The following SCARA5 variants were observed in gnomAD, a reference collection of about 807,000 sequenced individuals.
SCARA5 encodes scavenger receptor class A, member 5 (putative).
Under a neutral mutation model 46.3 loss-of-function variants are expected in SCARA5, and 45 were observed. That is an observed-to-expected ratio of 0.97 (90% CI 0.76 to 1.24). The LOEUF is 1.24. SCARA5 is among the 50% of genes most tolerant of loss of function. The pLI is 0.00. For synonymous variants in SCARA5, 333 were observed against 306.5 expected (o/e 1.09, Z -0.90); for missense variants, 680 against 689.0 (o/e 0.99, Z 0.15).
intron 7 of SCARA5, among the ~76,000 whole-genome samples, chr8:27,892,854 C>T (rs1264551892): frequency 4.6e-5 from 7 of 152,130 alleles, no homozygotes; most frequent in Admixed American, 4.6e-4. Flanking sequence ...GATCCGCCTG[C>T]CTGGGCCTCC....
chr8:27,912,686 C>T (rs1254961350), intron 4 of SCARA5, among the ~76,000 whole-genome samples: 3 of 152,250 alleles, frequency 2.0e-5, no homozygotes, highest in South Asian at 2.1e-4. Context: ...TCCACCACCC[C>T]GGGTGCTCCA....
At chr8:27,911,664 A>G (rs1370695437) in intron 4 of SCARA5, among the ~76,000 whole-genome samples, 2 of 151,410 alleles carry the variant, frequency 1.3e-5, no homozygotes, top group Non-Finnish European at 2.9e-5. Flanking sequence ...ACACTCCAAC[A>G]TGGGTGACAA....
chr8:27,948,918 C>T (rs2685418), intron 3 of SCARA5, among the ~76,000 whole-genome samples: 151,091 of 152,408 alleles, frequency 0.99, 74,901 homozygotes, highest in Middle Eastern at 1. Context: ...TATCGATGTG[C>T]ATAGTTTATA....
At chr8:27,951,920 T>C (rs1437883360) in intron 3 of SCARA5, among the ~76,000 whole-genome samples, 1 of 152,106 alleles carries the variant, frequency 6.6e-6, no homozygotes, top group African/African-American at 2.4e-5. Flanking sequence ...TAGCCCTGAG[T>C]GCACAGGGTG....
At chr8:27,960,407 G>T (rs1808276437) in intron 3 of SCARA5, among the ~76,000 whole-genome samples, 1 of 152,036 alleles carries the variant, frequency 6.6e-6, no homozygotes, top group South Asian at 2.1e-4. Flanking sequence ...AAACTTTTAG[G>T]CTCAAGCAAT....
At chr8:27,905,399 A>G (rs1807236629) in intron 6 of SCARA5, among the ~76,000 whole-genome samples, 2 of 152,040 alleles carry the variant, frequency 1.3e-5, no homozygotes, top group East Asian at 3.9e-4. Context: ...TAAAATGACA[A>G]GGGACTTCTA....
At chr8:27,898,470 G>A (rs1271915877) in intron 7 of SCARA5, among the ~76,000 whole-genome samples, 1 of 152,178 alleles carries the variant, frequency 6.6e-6, no homozygotes, top group Non-Finnish European at 1.5e-5. Flanking sequence ...AACAGGACTT[G>A]GATTTAAGAT....
At chr8:27,935,372 G>A (rs552408669) in intron 3 of SCARA5, among the ~76,000 whole-genome samples, 3 of 152,260 alleles carry the variant, frequency 2.0e-5, no homozygotes, top group African/African-American at 7.2e-5. Context: ...ATGGCCAACA[G>A]GGGGGTTAGC....
At chr8:27,984,540 T>C (rs1467553071) in intron 2 of SCARA5, among the ~76,000 whole-genome samples, 1 of 150,090 alleles carries the variant, frequency 6.7e-6, no homozygotes, top group East Asian at 1.9e-4. Context: ...ATCCATTCAT[T>C]CATCCATCCA....
chr8:27,990,880 G>A (rs1808777972), intron 1 of SCARA5, among the ~76,000 whole-genome samples: 1 of 152,236 alleles, frequency 6.6e-6, no homozygotes, highest in Non-Finnish European at 1.5e-5. Context: ...TAACAGGGAG[G>A]TGTCACCCTC....
intron 2 of SCARA5, among the ~76,000 whole-genome samples, chr8:27,977,720 C>G (rs984638414): frequency 2.0e-5 from 3 of 152,244 alleles, no homozygotes; most frequent in Non-Finnish European, 4.4e-5. Flanking sequence ...CCTCCCCTCC[C>G]GGGATCCCTA....
chr8:27,962,431 A>T (rs183959662), intron 3 of SCARA5, among the ~76,000 whole-genome samples: 248 of 152,294 alleles, frequency 1.6e-3, no homozygotes, highest in African/African-American at 5.6e-3. Context: ...AACAAATAAC[A>T]TCCTCAACAT....
chr8:27,908,954 C>G lies in SCARA5; in HGVS notation c.997+709G>C, dbSNP rs552074776. ...ATTCCTAAAATAAATAACCAGACAC[C>G]TTTTTCCCTCTATTTCCTTTTCTTC... On this transcript the variant is annotated intron_variant, in intron 5 of 8. Coordinates refer to ENST00000354914, the MANE Select transcript of SCARA5 (RefSeq NM_173833.6). The G allele has an allele frequency of 6.6e-5, 10 of 152,274 alleles. No homozygotes were observed. In the East Asian group the frequency reaches 1.9e-3, roughly 29 times the overall value. The allele number at this position is 152,274 out of a possible 1,614,324, so 9.4% of individuals were successfully genotyped here.
intron 3 of SCARA5, 96 bp from the exon 4 acceptor site, chr8:27,922,341 TG>T: frequency 1.3e-6 from 1 of 780,900 alleles, no homozygotes; most frequent in African/African-American, 1.9e-5. Flanking sequence ...ATGCAGTAGG[TG>T]CTCAATAAAT....
intron 7 of SCARA5, among the ~76,000 whole-genome samples, chr8:27,899,555 A>C (rs1807117419): frequency 6.6e-6 from 1 of 152,206 alleles, no homozygotes; most frequent in South Asian, 2.1e-4. Flanking sequence ...CGCACGAGGC[A>C]TTGGTCATGT....
chr8:27,902,675 C>T (rs993288771), intron 7 of SCARA5, among the ~76,000 whole-genome samples: 4 of 152,178 alleles, frequency 2.6e-5, no homozygotes, highest in South Asian at 4.1e-4. Context: ...CTAAATGCCA[C>T]GATCCTTCTC....
rs1019182362 is a variant in SCARA5 at position 27,922,371 on chromosome 8, C to T, written c.242-126G>A. The stretch of plus-strand genomic sequence containing the variant: ...AATAAATGATAGACGAATAAAATCA[C>T]AGGTGGTGTGCTGAGCGCTTTACTA... On this transcript the variant is annotated intron_variant, in intron 3 of 8. Coordinates refer to ENST00000354914, the MANE Select transcript of SCARA5 (RefSeq NM_173833.6). 8.8e-5 allele frequency: 49 copies of T among 554,820 alleles called. No individual in the cohort carries two copies. The South Asian group carries it at 1.2e-3, about 14-fold the overall frequency. 34.4% of individuals were successfully genotyped at this position (554,820 alleles called of 1,614,324 possible).
intron 8 of SCARA5, among the ~76,000 whole-genome samples, chr8:27,872,832 G>A (rs1018605245): frequency 1.1e-4 from 16 of 152,202 alleles, no homozygotes; most frequent in African/African-American, 2.2e-4. Context: ...GCCCAAATAC[G>A]TATATAGGAT....
intron 7 of SCARA5, among the ~76,000 whole-genome samples, chr8:27,899,229 G>C (rs1807112463): frequency 6.6e-6 from 1 of 152,228 alleles, no homozygotes; most frequent in African/African-American, 2.4e-5. Context: ...ACTAACTCCA[G>C]GTTGATTATG....
Sources: allele counts gnomAD v4.1 joint callset (sites outside exome capture counted in the v4.1 genomes callset), GRCh38; gene constraint gnomAD v4.1.1; transcripts MANE v1.5; gene names NCBI Gene and HGNC (gene_info 2026-07-23, HGNC 2026-07-21).